The following CTTNBP2 variants were observed in gnomAD, a reference collection of about 807,000 sequenced individuals.
CTTNBP2 encodes cortactin-binding protein 2.
CTTNBP2 carries 108 observed loss-of-function variants against 156.9 expected under a neutral mutation model. The ratio of observed to expected loss-of-function variants is 0.69; its 90% CI spans 0.59 to 0.81. CTTNBP2 has a LOEUF of 0.81. Among genes scored for constraint, CTTNBP2 ranks in the 30% least tolerant of loss-of-function variants. The probability of loss-of-function intolerance (pLI) is 0.00; values close to 1 mark genes in which losing one functional copy is unlikely to be tolerated. For missense variants in CTTNBP2, 1,924 were observed against 2,035.4 expected, an observed-to-expected ratio of 0.95 and a Z score of 1.05; for synonymous variants, 767 against 751.8, an observed-to-expected ratio of 1.02 and a Z score of -0.33.
rs571883268 is a variant in CTTNBP2, at chr7:117,735,457, T to A, written c.3536-36A>T. 5.1e-6 allele frequency: 8 copies of A among 1,562,702 alleles called. No homozygotes were observed. In the Admixed American group the frequency reaches 1.2e-4, roughly 24 times the overall value. Reference sequence around the variant, plus strand: ...AAAGGAAATTCAGTGATTCAAGCTTTTGACAAAAATTTATACAAATTGGCA... The same window carrying A: ...AAAGGAAATTCAGTGATTCAAGCTTATGACAAAAATTTATACAAATTGGCA... On this transcript the variant is annotated intron_variant, in intron 14 of 22. Transcript: ENST00000160373.
intron 3 of CTTNBP2, among the ~76,000 whole-genome samples, chr7:117,801,303 G>A (rs1584448182): frequency 6.6e-6 from 1 of 152,278 alleles, no homozygotes; most frequent in African/African-American, 2.4e-5. Flanking sequence ...ACTAAACAGT[G>A]AGGAAAACAT....
rs569436393 is a variant in CTTNBP2, at chr7:117,799,930, G to A, written c.415-7149C>T. The stretch of plus-strand genomic sequence containing the variant: ...ACAATAGCATCAAAAAATAAAATAT[G>A]AGTAACAGCAACAAATGACTTCTAA... On this transcript the variant is annotated intron_variant, in intron 3 of 22. Transcript: ENST00000160373. 7.2e-5 allele frequency among the ~76,000 whole-genome samples: 11 copies of A among 152,096 alleles called. No homozygotes were observed. In the South Asian group the frequency reaches 1.9e-3, roughly 26 times the overall value.
chr7:117,794,824 T>C (rs1489256622), intron 3 of CTTNBP2, among the ~76,000 whole-genome samples: 13 of 152,020 alleles, frequency 8.6e-5, no homozygotes, highest in Non-Finnish European at 2.9e-5. Context: ...ATAAGTAGAT[T>C]AGGTAAGACT....
chr7:117,768,694 C>T (rs1797647038), intron 8 of CTTNBP2, among the ~76,000 whole-genome samples: 1 of 152,050 alleles, frequency 6.6e-6, no homozygotes, highest in Admixed American at 6.6e-5. Context: ...CCCTTTTGTA[C>T]TCCATCTCAA....
At position 117,871,955 on chromosome 7, in the gene CTTNBP2, C is replaced by T. The variant is rs1376143946; in HGVS notation, c.81+1380G>A. ...AAATCATTTCCACTTGCCAGAGAGC[C>T]TTGTCTCAATAGCTAGTTTCCTTAC... is the stretch of plus-strand genomic sequence containing the variant. On this transcript the variant is annotated intron_variant, in intron 1 of 22. Coordinates refer to ENST00000160373, the MANE Select transcript of CTTNBP2 (RefSeq NM_033427.3). 3.0e-6 allele frequency: 3 copies of T among 985,106 alleles called. No homozygotes were observed. The East Asian group carries it at 3.4e-4, about 112-fold the overall frequency. 61.0% of individuals were successfully genotyped at this position (985,106 alleles called of 1,614,324 possible). A position where few individuals can be genotyped will look rare whatever the true frequency, so the allele number is the denominator to read the frequency against.
chr7:117,791,104 C>A, intron 4 of CTTNBP2, 24 bp downstream of exon 4: 1 of 1,578,300 alleles, frequency 6.3e-7, no homozygotes, highest in Non-Finnish European at 8.7e-7. Context: ...CTTTAAAAAG[C>A]GTATAACATT....
intron 14 of CTTNBP2, among the ~76,000 whole-genome samples, chr7:117,743,755 C>G (rs1796151350): frequency 1.1e-5 from 1 of 87,788 alleles, no homozygotes; most frequent in Non-Finnish European, 1.9e-5. Context: ...GAGTGAGACT[C>G]TGTCTCAAAA....
chr7:117,816,320 G>C (rs979543068), intron 2 of CTTNBP2, among the ~76,000 whole-genome samples: 1 of 152,230 alleles, frequency 6.6e-6, no homozygotes, highest in Non-Finnish European at 1.5e-5. Context: ...GCTTTGTAAT[G>C]ATCATTGTTC....
At chr7:117,753,895 A>G (rs1435063221) in intron 12 of CTTNBP2, among the ~76,000 whole-genome samples, 1 of 152,194 alleles carries the variant, frequency 6.6e-6, no homozygotes, top group African/African-American at 2.4e-5. Flanking sequence ...CTGCACATGT[A>G]CCCCAGAACG....
chr7:117,735,911 T>G (rs1309659890), intron 14 of CTTNBP2, among the ~76,000 whole-genome samples: 1 of 152,138 alleles, frequency 6.6e-6, no homozygotes, highest in Non-Finnish European at 1.5e-5. Context: ...ATGATTATCA[T>G]GAAAGAGTAG....
intron 5 of CTTNBP2, 50 bp from the exon 6 acceptor site, chr7:117,783,011 T>C: frequency 7.4e-7 from 1 of 1,343,044 alleles, no homozygotes; most frequent in Non-Finnish European, 1.1e-6. Flanking sequence ...GGAGTTATGA[T>C]GTGCCAAATT....
chr7:117,854,778 TAA>T (rs1464547109), intron 2 of CTTNBP2, among the ~76,000 whole-genome samples: 53 of 137,852 alleles, frequency 3.8e-4, no homozygotes, highest in African/African-American at 1.3e-3. Context: ...TTTAATTAAT[TAA>T]TTAATTTATT....
chr7:117,779,292 T>G (rs1798272690), intron 7 of CTTNBP2, among the ~76,000 whole-genome samples: 1 of 152,206 alleles, frequency 6.6e-6, no homozygotes, highest in Non-Finnish European at 1.5e-5. Context: ...ATGCAACCAC[T>G]TCTGGAAAAA....
At chr7:117,853,897 C>A (rs1183160484) in intron 2 of CTTNBP2, among the ~76,000 whole-genome samples, 1 of 152,114 alleles carries the variant, frequency 6.6e-6, no homozygotes, top group Admixed American at 6.5e-5. Context: ...GACCTCATCA[C>A]CTGCATTTTC....
At chr7:117,803,716 A>C (rs566626076) in intron 3 of CTTNBP2, among the ~76,000 whole-genome samples, 6 of 152,254 alleles carry the variant, frequency 3.9e-5, no homozygotes, top group African/African-American at 1.4e-4. Context: ...AGAAGAATGC[A>C]CCAGGAGACT....
intron 16 of CTTNBP2, among the ~76,000 whole-genome samples, chr7:117,729,938 G>A (rs1222703324): frequency 6.6e-6 from 1 of 152,164 alleles, no homozygotes; most frequent in Non-Finnish European, 1.5e-5. Context: ...ATGGAAGAGG[G>A]AAGGAACTGT....
intron 2 of CTTNBP2, among the ~76,000 whole-genome samples, chr7:117,849,805 C>T (rs1004464247): frequency 2.6e-5 from 4 of 152,166 alleles, no homozygotes; most frequent in African/African-American, 7.2e-5. Context: ...TACTAAAACA[C>T]GCAAGCCAGC....
rs916260475 is a variant in CTTNBP2, at chr7:117,803,954, T to C, written c.414+6811A>G. On this transcript the variant is annotated intron_variant, in intron 3 of 22. Coordinates refer to ENST00000160373, the MANE Select transcript of CTTNBP2 (RefSeq NM_033427.3). ...TTGATGTTCAAAAGCCTGGCCTTTA[T>C]TTATTTATTTATGAATGAATGAATG... 2.0e-5 allele frequency among the ~76,000 whole-genome samples: 3 copies of C among 152,252 alleles called. No homozygotes were observed. The South Asian group carries it at 6.2e-4, about 32-fold the overall frequency.
chr7:117,768,964 T>C (rs1398889317), intron 8 of CTTNBP2, among the ~76,000 whole-genome samples: 1 of 152,218 alleles, frequency 6.6e-6, no homozygotes, highest in Non-Finnish European at 1.5e-5. Flanking sequence ...AATTTACTTA[T>C]CCATTCTCTT....
Sources: gnomAD v4.1 joint callset for allele counts (sites outside exome capture counted in the v4.1 genomes callset) on GRCh38, gnomAD v4.1.1 for gene constraint, MANE v1.5 for transcripts, NCBI Gene and HGNC (gene_info 2026-07-23, HGNC 2026-07-21) for gene names.